DOCK3: variants seen among roughly 807,000 people sequenced by gnomAD.
The protein encoded by DOCK3 is dedicator of cytokinesis 3.
Under a neutral mutation model 265.6 loss-of-function variants are expected in DOCK3, and 60 were observed. That is an observed-to-expected ratio of 0.23 (90% CI 0.18 to 0.28). DOCK3 has a LOEUF of 0.28. Ranked by LOEUF, DOCK3 falls within the 10% of genes least tolerant of loss-of-function variation. The pLI is 1.00. For synonymous variants in DOCK3, 881 were observed against 938.0 expected (o/e 0.94, Z 1.11); for missense variants, 1,981 against 2,594.3 (o/e 0.76, Z 5.14).
chr3:51,355,708 T>C (rs1432441994), intron 41 of DOCK3, among the ~76,000 whole-genome samples: 1 of 152,326 alleles, frequency 6.6e-6, no homozygotes, highest in East Asian at 1.9e-4. Context: ...AAGTTGTTCT[T>C]CAGTAAATAT....
intron 3 of DOCK3, among the ~76,000 whole-genome samples, chr3:50,862,243 C>T (rs2046951532): frequency 6.6e-6 from 1 of 152,190 alleles, no homozygotes; most frequent in Non-Finnish European, 1.5e-5. Flanking sequence ...TGTGTGGCAG[C>T]TTTCTCAGAT....
chr3:50,822,923 A>G (rs1318817819), intron 2 of DOCK3, among the ~76,000 whole-genome samples: 1 of 152,204 alleles, frequency 6.6e-6, no homozygotes, highest in Non-Finnish European at 1.5e-5. Context: ...CTTTTCGGTA[A>G]GAAAAAAGGC....
At chr3:50,799,243 C>T (rs1314830286) in intron 2 of DOCK3, among the ~76,000 whole-genome samples, 6 of 152,110 alleles carry the variant, frequency 3.9e-5, no homozygotes, top group African/African-American at 1.4e-4. Flanking sequence ...CCCCTTATTT[C>T]TGTTAAGAAT....
intron 5 of DOCK3, among the ~76,000 whole-genome samples, chr3:51,006,927 T>C (rs960707190): frequency 6.6e-6 from 1 of 152,212 alleles, no homozygotes; most frequent in African/African-American, 2.4e-5. Context: ...TCCAGCTTCA[T>C]CCATGTCCCT....
intron 7 of DOCK3, 66 bp from the exon 8 acceptor site, chr3:51,089,177 G>T (rs1411535967): frequency 6.6e-7 from 1 of 1,526,656 alleles, no homozygotes; most frequent in Non-Finnish European, 8.9e-7. Context: ...CCAGCATATA[G>T]AAAGTTCTTA....
chr3:50,948,500 C>T (rs2076501304), intron 5 of DOCK3, among the ~76,000 whole-genome samples: 1 of 147,390 alleles, frequency 6.8e-6, no homozygotes, highest in Non-Finnish European at 1.5e-5. Flanking sequence ...AACTCCTGGA[C>T]TCAAGAGATC....
rs1345117532 is a variant in DOCK3 at position 51,383,436 on chromosome 3, G to A, written c.*1877G>A. The A allele has an allele frequency of 2.6e-5, 4 of 152,496 alleles. No homozygotes were observed. In the East Asian group the frequency reaches 5.8e-4, roughly 22 times the overall value. The allele number at this position is 152,496 out of a possible 1,614,324, so 9.4% of individuals were successfully genotyped here. ...GACCATCTGGTGTTCACAGGTGTTA[G>A]AGGGTTAGGGGTTAGGGGCTAGTTT... is the stretch of plus-strand genomic sequence containing the variant. On this transcript the variant is annotated 3_prime_UTR_variant, in exon 53 of 53. Coordinates refer to ENST00000266037, the MANE Select transcript of DOCK3 (RefSeq NM_004947.5).
intron 2 of DOCK3, among the ~76,000 whole-genome samples, chr3:50,782,286 G>GTTTTTT (rs1344110347): frequency 2.0e-4 from 9 of 44,788 alleles, no homozygotes; most frequent in Admixed American, 7.2e-4. Context: ...ACCAGTACCT[G>GTTTTTT]TTATTTTTTT....
intron 2 of DOCK3, among the ~76,000 whole-genome samples, chr3:50,841,385 T>A (rs1410581930): frequency 1.3e-5 from 2 of 152,200 alleles, no homozygotes; most frequent in Non-Finnish European, 2.9e-5. Flanking sequence ...CCAACACCTT[T>A]ATGTAGGAAT....
At chr3:51,282,510 G>T (rs1007828111) in intron 27 of DOCK3, among the ~76,000 whole-genome samples, 2 of 151,778 alleles carry the variant, frequency 1.3e-5, no homozygotes, top group Admixed American at 6.6e-5. Context: ...AAACTTATAC[G>T]GGTGTGGTGG....
intron 3 of DOCK3, among the ~76,000 whole-genome samples, chr3:50,857,686 A>T (rs1157374469): frequency 1.3e-5 from 2 of 152,252 alleles, no homozygotes; most frequent in African/African-American, 4.8e-5. Flanking sequence ...AATGTTCATC[A>T]TCACTGGTCA....
intron 27 of DOCK3, among the ~76,000 whole-genome samples, chr3:51,289,066 G>T (rs1323502610): frequency 6.6e-6 from 1 of 152,100 alleles, no homozygotes; most frequent in Non-Finnish European, 1.5e-5. Context: ...ACAGCTCTAG[G>T]TTATTTAAAA....
chr3:50,844,204 A>G (rs113472214), intron 3 of DOCK3, among the ~76,000 whole-genome samples: 11 of 152,232 alleles, frequency 7.2e-5, no homozygotes, highest in Non-Finnish European at 1.3e-4. Flanking sequence ...GAATATAGTT[A>G]TTTATTTATT....
chr3:50,791,090 T>G (rs2042452795), intron 2 of DOCK3, among the ~76,000 whole-genome samples: 1 of 152,110 alleles, frequency 6.6e-6, no homozygotes, highest in Non-Finnish European at 1.5e-5. Flanking sequence ...TCTTTTGTTA[T>G]GCAGAAGCTC....
intron 1 of DOCK3, among the ~76,000 whole-genome samples, chr3:50,678,339 T>C (rs1156737472): frequency 6.6e-6 from 1 of 152,176 alleles, no homozygotes; most frequent in Non-Finnish European, 1.5e-5. Flanking sequence ...AGCTTCCTGC[T>C]CTAAAGTGTA....
chr3:50,836,933 T>C (rs369046717), intron 2 of DOCK3, among the ~76,000 whole-genome samples: 12 of 152,220 alleles, frequency 7.9e-5, no homozygotes, highest in African/African-American at 2.9e-4. Flanking sequence ...GTCTCTTTGC[T>C]AAACTATAGC....
intron 10 of DOCK3, among the ~76,000 whole-genome samples, chr3:51,151,831 T>C (rs949761129): frequency 2.6e-5 from 4 of 152,220 alleles, no homozygotes; most frequent in Admixed American, 2.0e-4. Context: ...GCCCCCACTG[T>C]CTTCTGCTTA....
intron 35 of DOCK3, chr3:51,336,887 G>C (rs2084911537): frequency 2.2e-6 from 1 of 456,064 alleles, no homozygotes; most frequent in South Asian, 1.5e-5. Flanking sequence ...TGCCAAAGTG[G>C]CTAGGTAAAA....
At chr3:50,697,005 A>G (rs1311936000) in intron 1 of DOCK3, among the ~76,000 whole-genome samples, 1 of 149,970 alleles carries the variant, frequency 6.7e-6, no homozygotes, top group Non-Finnish European at 1.5e-5. Context: ...ATGTAGGCTC[A>G]CTGTAACCTC....
Sources: gnomAD v4.1 joint callset for allele counts (sites outside exome capture counted in the v4.1 genomes callset) on GRCh38, gnomAD v4.1.1 for gene constraint, MANE v1.5 for transcripts, NCBI Gene and HGNC (gene_info 2026-07-23, HGNC 2026-07-21) for gene names.